ZNF350: variants seen among roughly 807,000 people sequenced by gnomAD.
ZNF350 encodes the protein zinc finger protein 350, also known as KRAB zinc finger protein ZFQR.
ZNF350 carries 5 observed loss-of-function variants against 13.1 expected under a neutral mutation model. The observed-to-expected ratio is 0.38, with a 90% confidence interval of 0.20 to 0.80. The LOEUF is 0.80. Among genes scored for constraint, ZNF350 ranks in the 30% least tolerant of loss-of-function variants. ZNF350 has a pLI of 0.43. For synonymous variants in ZNF350, 199 were observed against 224.2 expected (o/e 0.89, Z 1.00); for missense variants, 534 against 644.2 (o/e 0.83, Z 1.85).
chr19:51,973,485 G>A (rs1029550438), intron 2 of ZNF350: 1 of 152,168 alleles, frequency 6.6e-6, no homozygotes, highest in African/African-American at 2.4e-5. Context: ...TATTCCAGAA[G>A]CCCAGAGCTC....
At chr19:51,970,340 G>C (rs2085703639) in intron 2 of ZNF350, among the ~76,000 whole-genome samples, 1 of 152,132 alleles carries the variant, frequency 6.6e-6, no homozygotes. Flanking sequence ...TGGAGTTACA[G>C]GAGTGAGCCA....
intron 2 of ZNF350, among the ~76,000 whole-genome samples, chr19:51,971,433 C>T (rs1027599742): frequency 1.3e-5 from 2 of 152,180 alleles, no homozygotes; most frequent in African/African-American, 2.4e-5. Flanking sequence ...TACAGGGAGC[C>T]AAAGGTCCGT....
At chr19:51,970,668 G>A (rs1230353421) in intron 2 of ZNF350, among the ~76,000 whole-genome samples, 1 of 152,076 alleles carries the variant, frequency 6.6e-6, no homozygotes, top group Non-Finnish European at 1.5e-5. Context: ...TCAAGAAGAA[G>A]GAGAAAATCA....
chr19:51,973,139 G>C lies in ZNF350; in HGVS notation c.15+1207C>G, dbSNP rs1049449457. ...TTTTTTGTATTTTTAGTAGAGACAG[G>C]GTTTCACGGTGTGAGCCAGGATGGT... On this transcript the variant is annotated intron_variant, in intron 2 of 4. Coordinates refer to ENST00000243644, the MANE Select transcript of ZNF350 (RefSeq NM_021632.4). 1.1e-4 allele frequency: 16 copies of C among 152,030 alleles called. No homozygotes were observed. The East Asian group carries it at 3.1e-3, about 29-fold the overall frequency. The allele number at this position is 152,030 out of a possible 1,614,324, so 9.4% of individuals were successfully genotyped here.
intron 1 of ZNF350, among the ~76,000 whole-genome samples, chr19:51,975,894 G>T (rs867694520): frequency 6.6e-6 from 1 of 152,210 alleles, no homozygotes; most frequent in African/African-American, 2.4e-5. Context: ...CCGAAGGCTC[G>T]TGGCCCGTGG....
intron 1 of ZNF350, among the ~76,000 whole-genome samples, chr19:51,979,146 C>T (rs570772915): frequency 6.6e-6 from 1 of 152,126 alleles, no homozygotes; most frequent in Admixed American, 6.5e-5. Flanking sequence ...GACATCAACC[C>T]CCATAACCTG....
rs1568479275 is a variant in ZNF350 at position 51,969,070 on chromosome 19, C to G, written c.77G>C (p.Gly26Ala). Residue 26 changes from glycine (G) to alanine (A), a missense_variant, in exon 3 of 5, where the codon GGC (glycine) becomes GCC (alanine). Coordinates refer to ENST00000243644, the MANE Select transcript of ZNF350 (RefSeq NM_021632.4). ...CCGGTACAGGTCCTTCTGAGCAGCG[C>G]CCAGGAGTTGCCACTCCTCCCAAGT... is the stretch of plus-strand genomic sequence containing the variant. ...DFTWEEWQLL[G>A]AAQKDLYRDV... The G allele has an allele frequency of 1.2e-6, 2 of 1,613,974 alleles. No homozygotes were observed. The highest frequency in any genetic ancestry group is 2.7e-5 in the African/African-American group (2 of 74,914).
intron 1 of ZNF350, among the ~76,000 whole-genome samples, chr19:51,983,373 T>C (rs59351632): frequency 0.4 from 60,833 of 151,906 alleles, 14,158 homozygotes; most frequent in African/African-American, 0.64. Flanking sequence ...AGCCCAACAC[T>C]CGTAAAGGGT....
intron 2 of ZNF350, among the ~76,000 whole-genome samples, chr19:51,972,248 G>T (rs1178816942): frequency 6.7e-6 from 1 of 149,034 alleles, no homozygotes; most frequent in Non-Finnish European, 1.5e-5. Context: ...TTGAGCCCAG[G>T]AGTTCAAGAG....
At chr19:51,983,215 T>C (rs192603787) in intron 1 of ZNF350, among the ~76,000 whole-genome samples, 259 of 152,280 alleles carry the variant, frequency 1.7e-3, no homozygotes, top group Non-Finnish European at 2.1e-3. Flanking sequence ...ATCACCATTC[T>C]CCAGTCTCAA....
At chr19:51,974,128 G>C in intron 2 of ZNF350, 1 of 448,242 alleles carries the variant, frequency 2.2e-6, no homozygotes, top group Non-Finnish European at 4.0e-6. Flanking sequence ...AGCCATGCAT[G>C]GTGTCACAAA....
chr19:51,965,234 A>G lies in ZNF350; in HGVS notation c.1219T>C (p.Cys407Arg), dbSNP rs1172049999. The G allele has an allele frequency of 1.2e-6, 2 of 1,613,668 alleles. No individual in the cohort carries two copies. Among genetic ancestry groups the G allele is most frequent in the African/African-American group, 1.3e-5 (1 of 74,774 alleles). The change falls in exon 5 of 5, where the codon TGT becomes CGT. Residue 407 changes from cysteine to arginine, a missense_variant. Cys to Arg is a radical substitution (Grantham distance 180). Transcript: ENST00000243644. ...GACATATACGCAAACGCTTTCCCAC[A>G]CTCGTTACAGCCATAGGGTCTCTCT... ...TGERPYGCNE[C>R]GKAFAYMSCL...
rs188586408 is a variant in ZNF350 at position 51,966,206 on chromosome 19, T to G, written c.247A>C (p.Lys83Gln). 12 of 1,565,006 alleles carry G rather than the reference T, an allele frequency of 7.7e-6. No homozygotes were observed. The Admixed American group carries it at 2.3e-4, about 29-fold the overall frequency. The change falls in exon 5 of 5, where the codon AAA becomes CAA. Residue 83 changes from lysine to glutamine, a missense_variant. Lys to Gln is a moderately conservative substitution (Grantham distance 53). Transcript: ENST00000243644. ...IHSGACSDIW[K>Q]VDHVLERLQS... The stretch of plus-strand genomic sequence containing the variant: ...AAGCGCTCCAGCACATGATCAACTT[T>G]CCATATGTCTAGAAAGAAAAGAACA...
intron 1 of ZNF350, among the ~76,000 whole-genome samples, chr19:51,975,777 G>T (rs752807204): frequency 4.9e-4 from 74 of 152,232 alleles, no homozygotes; most frequent in Admixed American, 1.3e-4. Context: ...GTCTCACTCT[G>T]TCGCCCAGGC....
chr19:51,973,191 C>A (rs1027717369), intron 2 of ZNF350: 30 of 152,018 alleles, frequency 2.0e-4, no homozygotes, highest in African/African-American at 7.3e-4. Context: ...CGTGATCCAC[C>A]CACCTCGGTC....
chr19:51,974,742 C>T (rs753136442), intron 1 of ZNF350: 112 of 163,564 alleles, frequency 6.8e-4, no homozygotes, highest in African/African-American at 1.5e-3. Context: ...GTGACGTTTC[C>T]GTGGAAGGAC....
chr19:51,971,544 C>T (rs533636476), intron 2 of ZNF350, among the ~76,000 whole-genome samples: 1 of 152,242 alleles, frequency 6.6e-6, no homozygotes, highest in East Asian at 1.9e-4. Context: ...TTGCTCCTGC[C>T]GACAGAAGGT....
Position 51,976,112 on chromosome 19 carries a change from C to T in ZNF350, c.-171-1581G>A, listed in dbSNP as rs905985803. 3.4e-5 allele frequency among the ~76,000 whole-genome samples: 5 copies of T among 148,698 alleles called. No homozygotes were observed. Among genetic ancestry groups the T allele is most frequent in the Non-Finnish European group, 6.0e-5 (4 of 66,662 alleles). ...GGACCCCTGGCGCCGTTATCTACTG[C>T]GACATCTAGAGAATGCAGTCTTGCA... On this transcript the variant is annotated intron_variant, in intron 1 of 4. Transcript: ENST00000243644. This position sits in a 1 kb window ranked among gnomAD's most constrained non-coding sequence, Gnocchi z 4.5.
In ZNF350 at chr19:51,974,332, CAA is replaced by C. The variant is rs1568482860; in HGVS notation, c.15+12_15+13del. The C allele has an allele frequency of 6.2e-7, 1 of 1,613,476 alleles. No individual in the cohort carries two copies. The highest frequency in any genetic ancestry group is 1.7e-5 in the Admixed American group (1 of 59,960). ...GAACAAAGGAAAGAATAAAACAAAC[CAA>C]AAGTCAGTTACCTGGGCCTGGATCA... On this transcript the variant is annotated intron_variant, in intron 2 of 4. Coordinates refer to ENST00000243644, the MANE Select transcript of ZNF350 (RefSeq NM_021632.4).
Sources: gnomAD v4.1 joint callset for allele counts (sites outside exome capture counted in the v4.1 genomes callset) on GRCh38, gnomAD v4.1.1 for gene constraint, Gnocchi (gnomAD v3.1) non-coding constraint, MANE v1.5 for transcripts, NCBI Gene and HGNC (gene_info 2026-07-23, HGNC 2026-07-21) for gene names.